MICU2: variants seen among roughly 807,000 people sequenced by gnomAD.
The protein encoded by MICU2 is calcium uptake protein 2, mitochondrial.
In MICU2, 64 loss-of-function variants were observed where a neutral mutation model predicts 60.4. The ratio of observed to expected loss-of-function variants is 1.06; its 90% confidence interval spans 0.87 to 1.31. The LOEUF (loss-of-function observed/expected upper bound fraction) is 1.31, where lower values mean the gene tolerates loss of function less well. Among genes scored for constraint, MICU2 ranks in the 50% most tolerant of loss-of-function variants. MICU2 has a pLI of 0.00. For synonymous variants in MICU2, 201 were observed against 175.0 expected (o/e 1.15, Z -1.17); for missense variants, 569 against 531.0 (o/e 1.07, Z -0.70).
intron 6 of MICU2, among the ~76,000 whole-genome samples, chr13:21,517,890 T>A (rs945430795): frequency 1.3e-5 from 2 of 152,110 alleles, no homozygotes; most frequent in African/African-American, 4.8e-5. Flanking sequence ...TTAATGTAAA[T>A]GTAGTTTTTC....
chr13:21,496,837 C>T (rs1222083600), intron 9 of MICU2, among the ~76,000 whole-genome samples: 3 of 151,952 alleles, frequency 2.0e-5, no homozygotes, highest in Non-Finnish European at 4.4e-5. Flanking sequence ...GGGCGGATCA[C>T]GAGGTCGGAA....
chr13:21,572,110 A>T (rs1463920319), intron 1 of MICU2, among the ~76,000 whole-genome samples: 2 of 152,266 alleles, frequency 1.3e-5, no homozygotes, highest in Non-Finnish European at 2.9e-5. Flanking sequence ...TATAAGTGCT[A>T]GATTAAAATA....
intron 1 of MICU2, among the ~76,000 whole-genome samples, chr13:21,585,298 G>A (rs1430806073): frequency 6.6e-6 from 1 of 152,216 alleles, no homozygotes; most frequent in Non-Finnish European, 1.5e-5. Context: ...AGGCAGTAAA[G>A]TATAAAAACT....
At chr13:21,603,908 C>T (rs757794289) in intron 1 of MICU2, 31 bp downstream of exon 1, 1 of 1,607,594 alleles carries the variant, frequency 6.2e-7, no homozygotes, top group South Asian at 1.1e-5. Flanking sequence ...AGGAGCTTGA[C>T]TGGGGCTAGC....
intron 4 of MICU2, among the ~76,000 whole-genome samples, chr13:21,524,870 A>G (rs1281939806): frequency 3.3e-5 from 5 of 152,272 alleles, no homozygotes; most frequent in African/African-American, 1.2e-4. Flanking sequence ...GAATCATACG[A>G]TATTTGTCCT....
intron 1 of MICU2, among the ~76,000 whole-genome samples, chr13:21,591,217 G>C (rs1177827809): frequency 6.6e-6 from 1 of 151,462 alleles, no homozygotes; most frequent in Admixed American, 6.6e-5. Flanking sequence ...AAAAAAAGCA[G>C]GGGTTGCAAT....
At chr13:21,512,674 C>T (rs781190854) in intron 7 of MICU2, among the ~76,000 whole-genome samples, 2 of 152,102 alleles carry the variant, frequency 1.3e-5, no homozygotes, top group Non-Finnish European at 2.9e-5. Flanking sequence ...TGGTCTCGAT[C>T]TCCTGACCTC....
intron 8 of MICU2, among the ~76,000 whole-genome samples, chr13:21,504,292 T>G (rs1003818377): frequency 3.9e-5 from 6 of 152,110 alleles, no homozygotes; most frequent in African/African-American, 1.4e-4. Flanking sequence ...AACTGTTAAA[T>G]GTATGCTTTA....
intron 1 of MICU2, among the ~76,000 whole-genome samples, chr13:21,572,262 G>A (rs1014648168): frequency 2.6e-5 from 4 of 152,296 alleles, no homozygotes; most frequent in South Asian, 2.1e-4. Context: ...CGCTGTGTCC[G>A]GGAAAAACAT....
intron 1 of MICU2, among the ~76,000 whole-genome samples, chr13:21,592,534 C>G (rs780395090): frequency 2.0e-5 from 3 of 152,056 alleles, no homozygotes; most frequent in Non-Finnish European, 4.4e-5. Flanking sequence ...ATCCTGATAC[C>G]AAGATCAGGA....
chr13:21,590,390 T>G (rs1888552958), intron 1 of MICU2, among the ~76,000 whole-genome samples: 1 of 152,130 alleles, frequency 6.6e-6, no homozygotes, highest in African/African-American at 2.4e-5. Flanking sequence ...GACAAGCAAA[T>G]GATGAGTGAT....
At chr13:21,568,487 C>T (rs1888034088) in intron 1 of MICU2, among the ~76,000 whole-genome samples, 1 of 152,216 alleles carries the variant, frequency 6.6e-6, no homozygotes. Flanking sequence ...CGTAAGTCCA[C>T]ACTTACCATC....
At chr13:21,602,447 G>A (rs914640769) in intron 1 of MICU2, among the ~76,000 whole-genome samples, 4 of 152,114 alleles carry the variant, frequency 2.6e-5, no homozygotes, top group Non-Finnish European at 5.9e-5. Flanking sequence ...GCGTGAACCC[G>A]GGAGGCGGAG....
chr13:21,532,815 C>G (rs1887033667), intron 4 of MICU2, among the ~76,000 whole-genome samples: 1 of 151,930 alleles, frequency 6.6e-6, no homozygotes, highest in Admixed American at 6.6e-5. Context: ...GGAGTGGGTA[C>G]CAGGCTGAAA....
chr13:21,572,506 T>C (rs1651248567), intron 1 of MICU2, among the ~76,000 whole-genome samples: 1 of 152,210 alleles, frequency 6.6e-6, no homozygotes, highest in Non-Finnish European at 1.5e-5. Context: ...CCCTGGGAGA[T>C]ACATTTGTAA....
chr13:21,545,744 G>A (rs980419964), intron 2 of MICU2, among the ~76,000 whole-genome samples: 1 of 152,126 alleles, frequency 6.6e-6, no homozygotes, highest in Non-Finnish European at 1.5e-5. Flanking sequence ...GGAAGGGTGG[G>A]AGGAAGAGAG....
At chr13:21,509,939 A>G in intron 8 of MICU2, 65 bp downstream of exon 8, 2 of 896,030 alleles carry the variant, frequency 2.2e-6, no homozygotes, top group African/African-American at 1.8e-5. Flanking sequence ...AAATGAATAT[A>G]TTCTGTTTCT....
At chr13:21,514,690 T>C (rs1886522427) in intron 6 of MICU2, among the ~76,000 whole-genome samples, 1 of 145,416 alleles carries the variant, frequency 6.9e-6, no homozygotes, top group Non-Finnish European at 1.5e-5. Flanking sequence ...CCGCCACCAC[T>C]CCCGTTAATT....
At chr13:21,494,581 T>TA (rs1008396063) in intron 11 of MICU2, among the ~76,000 whole-genome samples, 11 of 152,074 alleles carry the variant, frequency 7.2e-5, no homozygotes, top group African/African-American at 2.7e-4. Flanking sequence ...AATCTGAGAC[T>TA]AAAAAAAATT....
Sources: gnomAD v4.1 joint callset for allele counts (sites outside exome capture counted in the v4.1 genomes callset) on GRCh38, gnomAD v4.1.1 for gene constraint, MANE v1.5 for transcripts, NCBI Gene and HGNC (gene_info 2026-07-23, HGNC 2026-07-21) for gene names.